The following ERCC6 variants were observed in gnomAD, a reference collection of about 807,000 sequenced individuals.
ERCC6 encodes the protein DNA excision repair protein ERCC-6.
A neutral mutation model predicts 158.7 loss-of-function variants in ERCC6; 116 were observed. The observed-to-expected ratio is 0.73, with a 90% CI of 0.63 to 0.85. The LOEUF (loss-of-function observed/expected upper bound fraction) is 0.85, where lower values mean the gene tolerates loss of function less well. ERCC6 is among the 40% of genes least tolerant of loss of function. The pLI, the probability that ERCC6 is intolerant of heterozygous loss-of-function variation, is 0.00. For synonymous variants in ERCC6, 678 were observed against 659.3 expected, an observed-to-expected ratio of 1.03 and a Z score of -0.43; for missense variants, 1,698 against 1,799.4, an observed-to-expected ratio of 0.94 and a Z score of 1.02.
chr10:49,459,126 C>T lies in ERCC6; in HGVS notation c.4171G>A (p.Ala1391Thr). Residue 1391 changes from alanine (A) to threonine (T), a missense_variant, in exon 21 of 21, where the codon GCT becomes ACT. Physicochemically the swap from Ala to Thr is moderately conservative, Grantham distance 58. Transcript: ENST00000355832. ...SGPLASSSLL[A>T]KMRARNHLIL... ...AGGTGGTTTCTAGCTCTCATTTTAG[C>T]CAAGAGTGAGGAGGAAGCGAGGGGC... 2.5e-6 allele frequency: 4 copies of T among 1,614,170 alleles called. No individual in the cohort carries two copies. The South Asian group carries it at 3.3e-5, about 13-fold the overall frequency.
At chr10:49,469,904 T>C (rs1310856754) in intron 18 of ERCC6, among the ~76,000 whole-genome samples, 1 of 152,246 alleles carries the variant, frequency 6.6e-6, no homozygotes, top group East Asian at 1.9e-4. Flanking sequence ...TGCCTACTAA[T>C]GTTCAGGTAG....
At chr10:49,515,809 G>C in intron 5 of ERCC6, 3 of 1,614,068 alleles carry the variant, frequency 1.9e-6, no homozygotes, top group Non-Finnish European at 2.5e-6. Context: ...TGGGAGTAAC[G>C]ACTGACAAGA....
At position 49,496,579 on chromosome 10, in the gene ERCC6, G is replaced by A. The variant is rs780332684; in HGVS notation, c.1686-3327C>T. On this transcript the variant is annotated intron_variant, in intron 7 of 20. Transcript: ENST00000355832. ...TCCCAACACTTTGGGAGGCCGAGGCGGGTGGATCACCTGAAGTCAGGAGTT... is the reference window on the plus strand; with the variant it reads ...TCCCAACACTTTGGGAGGCCGAGGCAGGTGGATCACCTGAAGTCAGGAGTT... 1.9e-4 allele frequency among the ~76,000 whole-genome samples: 29 copies of A among 152,170 alleles called. 1 individual carries two copies. The highest frequency in any genetic ancestry group is 2.8e-4 in the Non-Finnish European group (19 of 67,990).
intron 5 of ERCC6, chr10:49,515,299 CTA>C (rs1836913066): frequency 9.5e-6 from 15 of 1,572,940 alleles, no homozygotes; most frequent in African/African-American, 4.1e-5. Context: ...ATGTATAAAA[CTA>C]TGTTTCTTAT....
intron 5 of ERCC6, among the ~76,000 whole-genome samples, chr10:49,519,969 C>A (rs1281759935): frequency 6.6e-6 from 1 of 152,180 alleles, no homozygotes; most frequent in Non-Finnish European, 1.5e-5. Flanking sequence ...GTGATTCTGA[C>A]ACACACACCC....
rs2132521654 is a variant in ERCC6, at chr10:49,457,081, T to C, written c.*1734A>G. ...TTCATGAGTGAACAAGGTCAGCAGA[T>C]CACCCTGAGAACAAGGAAGACACAA... On this transcript the variant is annotated 3_prime_UTR_variant, in exon 21 of 21. Coordinates refer to ENST00000355832, the MANE Select transcript of ERCC6 (RefSeq NM_000124.4). The C allele has an allele frequency of 6.6e-6, 1 of 152,322 alleles. No individual in the cohort carries two copies. Among genetic ancestry groups the C allele is most frequent in the Admixed American group, 6.5e-5 (1 of 15,300 alleles). The allele number at this position is 152,322 out of a possible 1,614,324, so 9.4% of individuals were successfully genotyped here. A position where few individuals can be genotyped will look rare whatever the true frequency, so the allele number is the denominator to read the frequency against.
chr10:49,447,103 C>T, the ERCC6 span, among the ~76,000 whole-genome samples: 1 of 152,058 alleles, frequency 6.6e-6, no homozygotes, highest in African/African-American at 2.4e-5. Context: ...AAAGGAATAA[C>T]TTTGAAAAAT....
chr10:49,446,581 C>T, the ERCC6 span, among the ~76,000 whole-genome samples: 1 of 152,116 alleles, frequency 6.6e-6, no homozygotes, highest in African/African-American at 2.4e-5. Flanking sequence ...TCAAGACTGG[C>T]CTGGGTGACA....
chr10:49,499,436 ATTTC>A (rs1261597266), intron 7 of ERCC6, among the ~76,000 whole-genome samples: 1 of 152,218 alleles, frequency 6.6e-6, no homozygotes, highest in East Asian at 1.9e-4. Flanking sequence ...TCTACTAAGC[ATTTC>A]GCTGCTGATG....
chr10:49,463,710 ACAC>A (rs1402893461), intron 18 of ERCC6, among the ~76,000 whole-genome samples: 28 of 152,152 alleles, frequency 1.8e-4, no homozygotes, highest in African/African-American at 6.8e-4. Flanking sequence ...CGTCTTTCCT[ACAC>A]TGTTCTCATG....
At chr10:49,515,756 G>T in intron 5 of ERCC6, 2 of 1,614,074 alleles carry the variant, frequency 1.2e-6, no homozygotes, top group South Asian at 2.2e-5. Flanking sequence ...TATACACTTT[G>T]ATCATGTTTG....
downstream of ERCC6, among the ~76,000 whole-genome samples, chr10:49,453,139 G>A (rs369514322): frequency 2.0e-5 from 3 of 151,866 alleles, no homozygotes; most frequent in Middle Eastern, 6.8e-3. Flanking sequence ...CTTTTGCATC[G>A]AGTATTTTCT....
the ERCC6 span, among the ~76,000 whole-genome samples, chr10:49,448,645 C>T: frequency 6.6e-6 from 1 of 152,132 alleles, no homozygotes; most frequent in Non-Finnish European, 1.5e-5. Flanking sequence ...ACCTACTTAC[C>T]ACTCTTTCTT....
At chr10:49,518,539 ATTG>A (rs1837054045) in intron 5 of ERCC6, among the ~76,000 whole-genome samples, 1 of 152,172 alleles carries the variant, frequency 6.6e-6, no homozygotes, top group Non-Finnish European at 1.5e-5. Context: ...GTCAGCCATC[ATTG>A]TTCTTGTGCA....
At chr10:49,438,017 TG>T in the ERCC6 span, among the ~76,000 whole-genome samples, 1 of 152,260 alleles carries the variant, frequency 6.6e-6, no homozygotes, top group Admixed American at 6.5e-5. Context: ...CATACTGTAT[TG>T]TTTTTTGTTT....
At chr10:49,459,705 C>A (rs754497059) in intron 20 of ERCC6, among the ~76,000 whole-genome samples, 1 of 152,182 alleles carries the variant, frequency 6.6e-6, no homozygotes, top group African/African-American at 2.4e-5. Flanking sequence ...TACCTTACAT[C>A]TAATGCAACT....
In ERCC6 at chr10:49,470,984, T is replaced by G. The variant is rs41562713; in HGVS notation, c.3061A>C (p.Ile1021Leu). ...DASQSTETSA[I>L]FAGTGSDVQT... ...TGATTTTATGTAATACCTGCAAAAA[T>G]TGCACTTGTTTCAGTGCTCTGGGAT... The change falls in exon 17 of 21, where the codon ATT becomes CTT. Residue 1021 changes from isoleucine (I) to leucine (L), a missense_variant. By Grantham distance (5) the Ile-to-Leu change is conservative. Transcript: ENST00000355832. The G allele has an allele frequency of 2.5e-6, 4 of 1,614,068 alleles. No homozygotes were observed. Among genetic ancestry groups the G allele is most frequent in the Non-Finnish European group, 3.4e-6 (4 of 1,180,020 alleles).
At chr10:49,469,093 A>G (rs1467958593) in intron 18 of ERCC6, among the ~76,000 whole-genome samples, 1 of 152,272 alleles carries the variant, frequency 6.6e-6, no homozygotes, top group Admixed American at 6.5e-5. Flanking sequence ...TTTGGCAACC[A>G]TTGTAGTAAT....
Position 49,512,796 on chromosome 10 carries a change from G to A in ERCC6, c.1398-6784C>T, listed in dbSNP as rs376562265. Among the ~76,000 whole-genome samples the A allele has an allele frequency of 8.5e-5, 13 of 152,322 alleles. No homozygotes were observed. The East Asian group carries it at 1.5e-3, about 18-fold the overall frequency. ...TTATACAATATTTTGTGCATGAAAC[G>A]AAGTTTTGACTGTGTCTTGACTGAG... is the stretch of plus-strand genomic sequence containing the variant. On this transcript the variant is annotated intron_variant, in intron 5 of 20. Coordinates refer to ENST00000355832, the MANE Select transcript of ERCC6 (RefSeq NM_000124.4).
Sources: gnomAD v4.1 joint callset for allele counts (sites outside exome capture counted in the v4.1 genomes callset) on GRCh38, gnomAD v4.1.1 for gene constraint, MANE v1.5 for transcripts, NCBI Gene and HGNC (gene_info 2026-07-23, HGNC 2026-07-21) for gene names.